GBP3: variants seen among roughly 807,000 people sequenced by gnomAD.
The protein encoded by GBP3 is guanylate binding protein 3.
Under a neutral mutation model 62.4 loss-of-function variants are expected in GBP3, and 55 were observed. The ratio of observed to expected loss-of-function variants is 0.88; its 90% CI spans 0.71 to 1.10. GBP3 has a LOEUF of 1.10. Ranked by LOEUF, GBP3 falls within the 50% of genes least tolerant of loss-of-function variation. The pLI is 0.00. For synonymous variants in GBP3, 208 were observed against 259.2 expected (o/e 0.80, Z 1.90); for missense variants, 605 against 690.6 (o/e 0.88, Z 1.39).
At position 89,020,523 on chromosome 1, in the gene GBP3, G is replaced by A; in HGVS notation, c.190+9C>T. The A allele has an allele frequency of 6.2e-7, 1 of 1,614,084 alleles. No individual in the cohort carries two copies. Among genetic ancestry groups the A allele is most frequent in the Admixed American group, 1.7e-5 (1 of 60,014 alleles). On this transcript the variant is annotated intron_variant, in intron 2 of 10. Coordinates refer to ENST00000370481, the MANE Select transcript of GBP3 (RefSeq NM_018284.3). ...AGGGACTTGGCAGAGCTTTGCTCAT[G>A]CCACTCACCCTTATTCTTCCCAGCT...
At chr1:89,013,057 C>G in intron 6 of GBP3, 128 bp downstream of exon 6, 1 of 1,056,018 alleles carries the variant, frequency 9.5e-7, no homozygotes, top group South Asian at 1.6e-5. Flanking sequence ...AGGTTGGTCT[C>G]AAACTCCTGG....
chr1:89,010,029 AG>A (rs1678467821), intron 8 of GBP3, among the ~76,000 whole-genome samples: 1 of 152,238 alleles, frequency 6.6e-6, no homozygotes, highest in Non-Finnish European at 1.5e-5. Context: ...AAAAAAATCC[AG>A]CTGTAATGAT....
intron 2 of GBP3, 47 bp from the exon 3 acceptor site, chr1:89,015,461 G>T: frequency 6.4e-7 from 1 of 1,573,458 alleles, no homozygotes; most frequent in Non-Finnish European, 8.6e-7. Flanking sequence ...TTAATAGCAG[G>T]TACTTCAGGA....
In GBP3 at chr1:89,015,492, C is replaced by T. The variant is rs1678838419; in HGVS notation, c.191-78G>A. 5.7e-6 allele frequency: 8 copies of T among 1,397,128 alleles called. No individual in the cohort carries two copies. In the South Asian group the frequency reaches 8.0e-5, roughly 14 times the overall value. The allele number at this position is 1,397,128 out of a possible 1,614,324, so 86.5% of individuals were successfully genotyped here. A position where few individuals can be genotyped will look rare whatever the true frequency, so the allele number is the denominator to read the frequency against. On this transcript the variant is annotated intron_variant, in intron 2 of 10. Transcript: ENST00000370481. The stretch of plus-strand genomic sequence containing the variant: ...CAGGAAATTGAGGCAAATGTAGCAT[C>T]ATGATTAATGTTAAGAGAGATAACC...
Position 89,020,387 on chromosome 1 carries a change from A to G in GBP3, c.190+145T>C, listed in dbSNP as rs545089445. ...AGCTGTGAGCTGATGCTTATCCCCT[A>G]GAAGAGTGAAGATAAGGAGCCCAAC... On this transcript the variant is annotated intron_variant, in intron 2 of 10. Coordinates refer to ENST00000370481, the MANE Select transcript of GBP3 (RefSeq NM_018284.3). 7.1e-5 allele frequency: 61 copies of G among 857,512 alleles called. 1 individual carries two copies. The South Asian group carries it at 8.8e-4, about 12-fold the overall frequency. The allele number at this position is 857,512 out of a possible 1,614,324, so 53.1% of individuals were successfully genotyped here.
At chr1:89,013,150 T>G (rs1350108557) in intron 6 of GBP3, 35 bp downstream of exon 6, 2 of 1,600,362 alleles carry the variant, frequency 1.2e-6, no homozygotes, top group Non-Finnish European at 1.7e-6. Flanking sequence ...CCTTTAGTTT[T>G]AACAATGAGT....
At position 89,014,213 on chromosome 1, in the gene GBP3, A is replaced by G; in HGVS notation, c.495T>C (p.Asp165=). Reference sequence around the variant, plus strand: ...GGAAGAAGCTCACAAAGTCAGCTGAATCCTCATTCTCATTCTCATCAGGTG... The same window carrying G: ...GGAAGAAGCTCACAAAGTCAGCTGAGTCCTCATTCTCATTCTCATCAGGTG... The part of the protein sequence containing the change: ...KSSPDENENE[D]SADFVSFFPD... The change falls in exon 5 of 11, where the codon GAT becomes GAC. Residue 165 remains aspartate (D), a synonymous_variant. Transcript: ENST00000370481. 12 of 1,614,184 alleles carry G rather than the reference A, an allele frequency of 7.4e-6. No homozygotes were observed. The highest frequency in any genetic ancestry group is 1.0e-5 in the Non-Finnish European group (12 of 1,180,030).
chr1:89,013,557 C>A, intron 5 of GBP3, 130 bp from the exon 6 acceptor site: 1 of 942,118 alleles, frequency 1.1e-6, no homozygotes, highest in South Asian at 1.7e-5. Flanking sequence ...TGGAGCATGA[C>A]AACAGCTTTA....
intron 2 of GBP3, 90 bp from the exon 3 acceptor site, chr1:89,015,504 TAA>T: frequency 1.6e-6 from 2 of 1,275,112 alleles, no homozygotes; most frequent in Non-Finnish European, 2.2e-6. Context: ...TGATTAATGT[TAA>T]GAGAGATAAC....
chr1:89,021,069 T>A (rs1679163269), intron 1 of GBP3, among the ~76,000 whole-genome samples: 1 of 152,158 alleles, frequency 6.6e-6, no homozygotes, highest in Admixed American at 6.5e-5. Flanking sequence ...TTTTTTTACA[T>A]CCTGGCTATA....
intron 4 of GBP3, 108 bp downstream of exon 4, chr1:89,014,439 G>C: frequency 1.2e-6 from 2 of 1,606,706 alleles, no homozygotes; most frequent in Non-Finnish European, 1.7e-6. Context: ...ATTATTTTTT[G>C]TTTTCTCCTT....
In GBP3 at chr1:89,022,747, C is replaced by G. The variant is rs914356367; in HGVS notation, c.-86G>C. On this transcript the variant is annotated 5_prime_UTR_variant, in exon 1 of 11. Coordinates refer to ENST00000370481, the MANE Select transcript of GBP3 (RefSeq NM_018284.3). ...TCACTTCTCTTTTCTTTCGCTGGAT[C>G]GCTGGACTTTTATTTCACCCCTTCA... 2.0e-5 allele frequency: 3 copies of G among 152,178 alleles called. No homozygotes were observed. Among genetic ancestry groups the G allele is most frequent in the African/African-American group, 7.2e-5 (3 of 41,444 alleles). The allele number at this position is 152,178 out of a possible 1,614,324, so 9.4% of individuals were successfully genotyped here. A position where few individuals can be genotyped will look rare whatever the true frequency, so the allele number is the denominator to read the frequency against.
Position 89,011,364 on chromosome 1 carries a change from A to G in GBP3, c.1150-248T>C, listed in dbSNP as rs1270723007. Among the ~76,000 whole-genome samples the G allele has an allele frequency of 1.4e-5, 2 of 139,526 alleles. 1 individual carries two copies. The highest frequency in any genetic ancestry group is 4.1e-4 in the East Asian group (2 of 4,866). 91.5% of individuals were successfully genotyped at this position (139,526 alleles called of 152,430 possible). ...TGTTAGAGGAAAGCTCTGCTTTTGC[A>G]TATTGGACTAATGATTTCATATGGA... is the stretch of plus-strand genomic sequence containing the variant. On this transcript the variant is annotated intron_variant, in intron 7 of 10. Transcript: ENST00000370481.
chr1:89,022,050 CT>C (rs1326329201), intron 1 of GBP3, among the ~76,000 whole-genome samples: 6 of 69,168 alleles, frequency 8.7e-5, no homozygotes, highest in African/African-American at 2.7e-4. Context: ...CTCTCTCTCT[CT>C]CAAAAAAAAA....
intron 1 of GBP3, among the ~76,000 whole-genome samples, chr1:89,021,981 G>C (rs1481749024): frequency 6.6e-6 from 1 of 151,234 alleles, no homozygotes. Context: ...GGCTTTAGTA[G>C]TGATGCATTA....
chr1:89,010,834 C>T lies in GBP3; in HGVS notation c.1362+70G>A, dbSNP rs1306780376. On this transcript the variant is annotated intron_variant, in intron 8 of 10. Transcript: ENST00000370481. ...AAAAGCACATCTGTGTGCAGTGAAG[C>T]TTGGTCACTTTGGTGTTCGTAGGAG... is the stretch of plus-strand genomic sequence containing the variant. The T allele has an allele frequency of 1.2e-5, 18 of 1,454,730 alleles. 3 individuals are homozygous for T. Among genetic ancestry groups the T allele is most frequent in the Non-Finnish European group, 1.7e-5 (18 of 1,049,106 alleles). The allele number at this position is 1,454,730 out of a possible 1,614,324, so 90.1% of individuals were successfully genotyped here. A position where few individuals can be genotyped will look rare whatever the true frequency, so the allele number is the denominator to read the frequency against.
rs1557725001 is a variant in GBP3, at chr1:89,011,229, G to C, written c.1150-113C>G. ...AACAGTCAATGATGCCGGAGAAACT[G>C]ACAGACTCCTCAGCAGGACCACGCT... On this transcript the variant is annotated intron_variant, in intron 7 of 10. Transcript: ENST00000370481. 2.3e-6 allele frequency: 3 copies of C among 1,297,492 alleles called. 1 individual carries two copies. 80.4% of individuals were successfully genotyped at this position (1,297,492 alleles called of 1,614,324 possible).
At chr1:89,021,544 A>ACACACACACACACAC (rs761151308) in intron 1 of GBP3, among the ~76,000 whole-genome samples, 1 of 140,948 alleles carries the variant, frequency 7.1e-6, no homozygotes, top group Non-Finnish European at 1.6e-5. Flanking sequence ...ACACACACAC[A>ACACACACACACACAC]CCCCAAAAAA....
intron 2 of GBP3, chr1:89,020,267 C>T (rs958254290): frequency 7.8e-6 from 4 of 514,398 alleles, no homozygotes; most frequent in Admixed American, 6.2e-5. Flanking sequence ...CAAGTGCAGT[C>T]AGTAGTGAGA....
Sources: gnomAD v4.1 joint callset for allele counts (sites outside exome capture counted in the v4.1 genomes callset) on GRCh38, gnomAD v4.1.1 for gene constraint, MANE v1.5 for transcripts, NCBI Gene and HGNC (gene_info 2026-07-23, HGNC 2026-07-21) for gene names.